KIF5C: variants seen among roughly 807,000 people sequenced by gnomAD.
KIF5C encodes the protein kinesin heavy chain isoform 5C.
Under a neutral mutation model 125.2 loss-of-function variants are expected in KIF5C, and 18 were observed. That is an observed-to-expected ratio of 0.14 (90% confidence interval 0.10 to 0.21). KIF5C has a LOEUF of 0.21. Among genes scored for constraint, KIF5C ranks in the 10% least tolerant of loss-of-function variants. The probability of loss-of-function intolerance (pLI) is 1.00; values close to 1 mark genes in which losing one functional copy is unlikely to be tolerated. For synonymous variants in KIF5C, 405 were observed against 434.0 expected, an observed-to-expected ratio of 0.93 and a Z score of 0.83; for missense variants, 780 against 1,183.8, an observed-to-expected ratio of 0.66 and a Z score of 5.01.
rs569155735 is a variant in KIF5C at position 148,961,522 on chromosome 2, A to G, written c.969-449A>G. On this transcript the variant is annotated intron_variant, in intron 10 of 25. Transcript: ENST00000435030. ...CTCCAAGAGGACAGAGACCTCGTCT[A>G]TCTGTCTTGGTGTACCCCAAATTCA... 1.6e-4 allele frequency among the ~76,000 whole-genome samples: 24 copies of G among 152,338 alleles called. 1 individual carries two copies. In the East Asian group the frequency reaches 3.7e-3, roughly 23 times the overall value.
At chr2:148,965,739 C>G (rs1184694867) in intron 11 of KIF5C, among the ~76,000 whole-genome samples, 2 of 152,126 alleles carry the variant, frequency 1.3e-5, no homozygotes, top group Non-Finnish European at 2.9e-5. Flanking sequence ...GAAAACGTCC[C>G]CAAGTGGATC....
In KIF5C at chr2:148,987,793, G is replaced by A. The variant is rs181139577; in HGVS notation, c.1717-3217G>A. The stretch of plus-strand genomic sequence containing the variant: ...GAGGTAGAGTAAATGAACTGAATTG[G>A]ACTGGCTGCCTTATTTTCTTTTGGC... On this transcript the variant is annotated intron_variant, in intron 15 of 25. Coordinates refer to ENST00000435030, the MANE Select transcript of KIF5C (RefSeq NM_004522.3). Among the ~76,000 whole-genome samples the A allele has an allele frequency of 4.6e-5, 7 of 152,280 alleles. No individual in the cohort carries two copies. The East Asian group carries it at 7.7e-4, about 17-fold the overall frequency.
intron 1 of KIF5C, among the ~76,000 whole-genome samples, chr2:148,916,959 G>A (rs1681581269): frequency 6.6e-6 from 1 of 152,076 alleles, no homozygotes; most frequent in Non-Finnish European, 1.5e-5. Flanking sequence ...ATGCTGATGG[G>A]TTGAAATGAC....
chr2:148,961,479 G>A (rs1215672090), intron 10 of KIF5C, among the ~76,000 whole-genome samples: 1 of 152,096 alleles, frequency 6.6e-6, no homozygotes, highest in African/African-American at 2.4e-5. Flanking sequence ...GTGTATCATT[G>A]GTATAAGAAA....
At chr2:148,973,167 C>G (rs1680965703) in intron 11 of KIF5C, among the ~76,000 whole-genome samples, 169 bp from the exon 12 acceptor site, 1 of 152,162 alleles carries the variant, frequency 6.6e-6, no homozygotes, top group East Asian at 1.9e-4. Context: ...GGCCAATTAA[C>G]TAAGACCTTT....
Position 148,991,345 on chromosome 2 carries a change from G to T in KIF5C, c.1905+147G>T, listed in dbSNP as rs1681522248. On this transcript the variant is annotated intron_variant, in intron 16 of 25. Transcript: ENST00000435030. ...GCCTCCCCAGGTGATGGCAGCCCAG[G>T]TCTATTCCTAGGGCTACATTTTGTT... 2.9e-6 allele frequency: 4 copies of T among 1,377,462 alleles called. No individual in the cohort carries two copies. The African/African-American group carries it at 4.4e-5, about 15-fold the overall frequency. The allele number at this position is 1,377,462 out of a possible 1,614,324, so 85.3% of individuals were successfully genotyped here. A position where few individuals can be genotyped will look rare whatever the true frequency, so the allele number is the denominator to read the frequency against.
At chr2:148,922,818 C>T (rs1291902842) in intron 2 of KIF5C, among the ~76,000 whole-genome samples, 2 of 152,218 alleles carry the variant, frequency 1.3e-5, no homozygotes, top group South Asian at 2.1e-4. Flanking sequence ...CAGATCCTGA[C>T]ATTTATTCCT....
chr2:148,942,789 T>C (rs1388746515), intron 7 of KIF5C, 29 bp downstream of exon 7: 21 of 1,591,978 alleles, frequency 1.3e-5, no homozygotes, highest in Non-Finnish European at 1.8e-5. Context: ...TTTCCTCCCC[T>C]GCAGCTTGGG....
intron 11 of KIF5C, among the ~76,000 whole-genome samples, chr2:148,963,510 T>C (rs1574792986): frequency 6.6e-6 from 1 of 152,216 alleles, no homozygotes; most frequent in Non-Finnish European, 1.5e-5. Context: ...AATAACATGA[T>C]TCTTTTATTT....
In KIF5C at chr2:149,021,007, T is replaced by C. The variant is rs1026591557; in HGVS notation, c.*8-2071T>C. 5.9e-5 allele frequency among the ~76,000 whole-genome samples: 9 copies of C among 152,206 alleles called. No homozygotes were observed. In the South Asian group the frequency reaches 1.4e-3, roughly 24 times the overall value. Reference sequence around the variant, plus strand: ...TGTGTAGCTTTGCCACTGTGGGTGATTATACCAAATGAGTTCTGTGAATAT... The same window carrying C: ...TGTGTAGCTTTGCCACTGTGGGTGACTATACCAAATGAGTTCTGTGAATAT... On this transcript the variant is annotated intron_variant, in intron 25 of 25. Coordinates refer to ENST00000435030, the MANE Select transcript of KIF5C (RefSeq NM_004522.3).
chr2:148,912,440 A>G (rs189226884), intron 1 of KIF5C, among the ~76,000 whole-genome samples: 6 of 152,328 alleles, frequency 3.9e-5, no homozygotes, highest in Non-Finnish European at 8.8e-5. Context: ...TAAAGAAAAA[A>G]TTCTATGTGT....
chr2:148,964,331 T>G (rs533139399), intron 11 of KIF5C, among the ~76,000 whole-genome samples: 4 of 151,268 alleles, frequency 2.6e-5, no homozygotes, highest in Non-Finnish European at 5.9e-5. Context: ...TTGGGTGAGA[T>G]CCTACATGAG....
intron 11 of KIF5C, among the ~76,000 whole-genome samples, chr2:148,971,621 G>T (rs888996710): frequency 6.6e-6 from 1 of 152,146 alleles, no homozygotes; most frequent in African/African-American, 2.4e-5. Flanking sequence ...AAGGAAAAAG[G>T]GTTGGCTCAA....
At chr2:148,971,297 TATC>T (rs1438179586) in intron 11 of KIF5C, among the ~76,000 whole-genome samples, 2 of 127,686 alleles carry the variant, frequency 1.6e-5, no homozygotes, top group Admixed American at 7.5e-5. Context: ...TCTGTCTATC[TATC>T]TATCTATCTA....
At chr2:148,954,559 G>A (rs1412310704) in intron 10 of KIF5C, among the ~76,000 whole-genome samples, 1 of 152,220 alleles carries the variant, frequency 6.6e-6, no homozygotes, top group Non-Finnish European at 1.5e-5. Context: ...GCAGACCAAT[G>A]TGGTTAGGAA....
intron 2 of KIF5C, among the ~76,000 whole-genome samples, chr2:148,928,718 T>C (rs1279945526): frequency 2.6e-5 from 4 of 152,190 alleles, no homozygotes; most frequent in South Asian, 4.1e-4. Context: ...GGCTAGTTTC[T>C]GGGCTGATTG....
At chr2:148,953,037 C>A (rs1401680362) in intron 10 of KIF5C, among the ~76,000 whole-genome samples, 1 of 152,124 alleles carries the variant, frequency 6.6e-6, no homozygotes, top group Non-Finnish European at 1.5e-5. Flanking sequence ...GTAATTTGGG[C>A]TTCCAGGAAG....
At chr2:148,982,326 G>A (rs1465255455) in intron 14 of KIF5C, among the ~76,000 whole-genome samples, 1 of 152,224 alleles carries the variant, frequency 6.6e-6, no homozygotes, top group Non-Finnish European at 1.5e-5. Flanking sequence ...GCATGGCGGG[G>A]TGGGATGTGT....
intron 24 of KIF5C, among the ~76,000 whole-genome samples, chr2:149,011,003 C>T (rs1163399262): frequency 4.8e-5 from 7 of 145,742 alleles, no homozygotes; most frequent in East Asian, 2.0e-4. Flanking sequence ...GCTTCTTCTC[C>T]TTTTTTTTTT....
Sources: allele counts gnomAD v4.1 joint callset (sites outside exome capture counted in the v4.1 genomes callset), GRCh38; gene constraint gnomAD v4.1.1; transcripts MANE v1.5; gene names NCBI Gene and HGNC (gene_info 2026-07-23, HGNC 2026-07-21).